Variants in DYM observed in about 807,000 individuals in gnomAD.
The protein encoded by DYM is dyggve-Melchior-Clausen syndrome protein.
DYM carries 78 observed loss-of-function variants against 93.1 expected under a neutral mutation model. The ratio of observed to expected loss-of-function variants is 0.84; its 90% CI spans 0.70 to 1.01. The LOEUF (loss-of-function observed/expected upper bound fraction) is 1.01, where lower values mean the gene tolerates loss of function less well. DYM is among the 50% of genes least tolerant of loss of function. The probability of loss-of-function intolerance (pLI) is 0.00; values close to 1 mark genes in which losing one functional copy is unlikely to be tolerated. For missense variants in DYM, 789 were observed against 845.0 expected, an observed-to-expected ratio of 0.93 and a Z score of 0.82; for synonymous variants, 321 against 319.7, an observed-to-expected ratio of 1.00 and a Z score of -0.04.
At chr18:49,448,019 G>A (rs1275614488) in intron 1 of DYM, among the ~76,000 whole-genome samples, 2 of 152,130 alleles carry the variant, frequency 1.3e-5, no homozygotes, top group Admixed American at 1.3e-4. Flanking sequence ...GCGCCACCTA[G>A]TGAAATAGGA....
intron 17 of DYM, among the ~76,000 whole-genome samples, chr18:49,086,644 G>C (rs927642105): frequency 6.6e-6 from 1 of 152,092 alleles, no homozygotes; most frequent in Non-Finnish European, 1.5e-5. Context: ...AGGCTTTGGG[G>C]AAATAATTAG....
intron 14 of DYM, among the ~76,000 whole-genome samples, chr18:49,195,157 G>A (rs2091326438): frequency 6.6e-6 from 1 of 152,000 alleles, no homozygotes; most frequent in South Asian, 2.1e-4. Context: ...GGTCATATAT[G>A]TATATATTTT....
chr18:49,349,076 T>C (rs1201979106), intron 6 of DYM, among the ~76,000 whole-genome samples: 1 of 151,796 alleles, frequency 6.6e-6, no homozygotes, highest in East Asian at 1.9e-4. Flanking sequence ...AGCATGGTGG[T>C]GGGCGCCTGT....
At chr18:49,104,041 T>C (rs1481330659) in intron 16 of DYM, among the ~76,000 whole-genome samples, 1 of 152,188 alleles carries the variant, frequency 6.6e-6, no homozygotes. Flanking sequence ...TTCCTACCCA[T>C]GAGCATGGAA....
intron 17 of DYM, among the ~76,000 whole-genome samples, chr18:49,094,851 C>T (rs1004135893): frequency 6.6e-6 from 1 of 152,182 alleles, no homozygotes; most frequent in African/African-American, 2.4e-5. Context: ...TCGGCTTCAG[C>T]TGACATTAGC....
At chr18:49,185,975 C>G (rs1021481879) in intron 14 of DYM, among the ~76,000 whole-genome samples, 1 of 152,124 alleles carries the variant, frequency 6.6e-6, no homozygotes, top group Non-Finnish European at 1.5e-5. Context: ...AGGATTATTA[C>G]GATGTGTCAC....
intron 14 of DYM, among the ~76,000 whole-genome samples, chr18:49,195,234 C>T (rs1006431877): frequency 2.6e-5 from 4 of 152,054 alleles, no homozygotes; most frequent in African/African-American, 7.3e-5. Context: ...CTCAAAGTAT[C>T]GTGTTACTTT....
At chr18:49,396,480 G>A (rs1359895372) in intron 2 of DYM, among the ~76,000 whole-genome samples, 1 of 152,052 alleles carries the variant, frequency 6.6e-6, no homozygotes, top group Non-Finnish European at 1.5e-5. Context: ...AAATAGTACA[G>A]TGAGCATTAT....
chr18:49,112,791 G>T (rs1366869321), intron 16 of DYM, among the ~76,000 whole-genome samples: 1 of 152,044 alleles, frequency 6.6e-6, no homozygotes, highest in Non-Finnish European at 1.5e-5. Context: ...ATCACAGAAT[G>T]TTCACTCCAC....
intron 15 of DYM, among the ~76,000 whole-genome samples, chr18:49,162,326 T>A (rs557361133): frequency 1.3e-5 from 2 of 152,126 alleles, no homozygotes; most frequent in Non-Finnish European, 2.9e-5. Flanking sequence ...GGGAAGGCCA[T>A]GGTCAAGGAG....
At position 49,104,888 on chromosome 18, in the gene DYM, C is replaced by T. The variant is rs368757718; in HGVS notation, c.1912-7373G>A. 5.0e-3 allele frequency among the ~76,000 whole-genome samples: 756 copies of T among 152,140 alleles called. 8 individuals carry two copies. Among genetic ancestry groups the T allele is most frequent in the African/African-American group, 0.01 (416 of 41,514 alleles). On this transcript the variant is annotated intron_variant, in intron 16 of 17. Transcript: ENST00000675505. ...AAATTCTCTTTTTTTGTTGTGTCTC[C>T]GCCAGGCTTTGGTATCAGGATGATG...
At chr18:49,405,012 C>CAAA (rs199975015) in intron 2 of DYM, among the ~76,000 whole-genome samples, 1 of 102,138 alleles carries the variant, frequency 9.8e-6, no homozygotes, top group Non-Finnish European at 1.9e-5. Flanking sequence ...GACTCCATCT[C>CAAA]AAAAAAAAAA....
intron 14 of DYM, among the ~76,000 whole-genome samples, chr18:49,164,868 T>C (rs140472973): frequency 4.6e-5 from 7 of 152,252 alleles, no homozygotes; most frequent in Admixed American, 1.3e-4. Context: ...AGAGTGCAAA[T>C]TACTTTATTC....
In DYM at chr18:49,370,290, A is replaced by C. The variant is rs78490462; in HGVS notation, c.422-7057T>G. ...CGAAACTCCATCTCAGAAAAAAAAA[A>C]AAAAAAAAACAAAACAGGACTAACT... is the stretch of plus-strand genomic sequence containing the variant. On this transcript the variant is annotated intron_variant, in intron 5 of 17. Coordinates refer to ENST00000675505, the MANE Select transcript of DYM (RefSeq NM_001353214.3). 4.5e-3 allele frequency among the ~76,000 whole-genome samples: 671 copies of C among 150,538 alleles called. 7 individuals are homozygous for C. Among genetic ancestry groups the C allele is most frequent in the African/African-American group, 0.011 (441 of 40,986 alleles).
At chr18:49,259,387 C>G (rs1023530690) in intron 11 of DYM, among the ~76,000 whole-genome samples, 5 of 152,164 alleles carry the variant, frequency 3.3e-5, no homozygotes, top group African/African-American at 1.2e-4. Context: ...GGACAGAACA[C>G]GTTAAATACC....
intron 8 of DYM, among the ~76,000 whole-genome samples, chr18:49,323,720 C>T (rs2062676506): frequency 6.6e-6 from 1 of 152,218 alleles, no homozygotes; most frequent in Admixed American, 6.5e-5. Context: ...AAATACATTT[C>T]TGTTGTTCAA....
intron 6 of DYM, among the ~76,000 whole-genome samples, chr18:49,345,468 A>C (rs1034232531): frequency 2.0e-5 from 3 of 152,298 alleles, no homozygotes; most frequent in African/African-American, 7.2e-5. Flanking sequence ...CAAAGACTTG[A>C]AAGAAGCAAG....
chr18:49,291,848 G>C (rs748193251), intron 8 of DYM, among the ~76,000 whole-genome samples: 3 of 152,172 alleles, frequency 2.0e-5, no homozygotes, highest in Non-Finnish European at 4.4e-5. Flanking sequence ...AGAAGGTACA[G>C]CCAGTAGCCA....
chr18:49,044,290 T>G, intron 17 of DYM, 86 bp from the exon 18 acceptor site: 2 of 1,498,256 alleles, frequency 1.3e-6, no homozygotes, highest in Non-Finnish European at 1.8e-6. Context: ...TGCTGTGGTG[T>G]GCGGGGAGCC....
Sources: allele counts gnomAD v4.1 joint callset (sites outside exome capture counted in the v4.1 genomes callset), GRCh38; gene constraint gnomAD v4.1.1; transcripts MANE v1.5; gene names NCBI Gene and HGNC (gene_info 2026-07-23, HGNC 2026-07-21).